TAFA5: variants seen among roughly 807,000 people sequenced by gnomAD.
TAFA5 encodes the protein chemokine-like protein TAFA-5.
A neutral mutation model predicts 15.3 loss-of-function variants in TAFA5; 6 were observed. The ratio of observed to expected loss-of-function variants is 0.39; its 90% confidence interval spans 0.21 to 0.77. TAFA5 has a LOEUF of 0.77. TAFA5 is among the 30% of genes least tolerant of loss of function. The pLI is 0.41. For synonymous variants in TAFA5, 103 were observed against 80.7 expected (o/e 1.28, Z -1.48); for missense variants, 161 against 193.1 (o/e 0.83, Z 0.98).
In TAFA5 at chr22:48,525,692, C is replaced by T. The variant is rs535552955; in HGVS notation, c.112+35988C>T. 3.3e-5 allele frequency among the ~76,000 whole-genome samples: 5 copies of T among 152,314 alleles called. No homozygotes were observed. The East Asian group carries it at 9.7e-4, about 30-fold the overall frequency. Reference sequence around the variant, plus strand: ...GGTCAGGCCGGGGCCCCAGAAGCTGCTGCTGCTGCTGGCCTGGTACCCCGC... The same window carrying T: ...GGTCAGGCCGGGGCCCCAGAAGCTGTTGCTGCTGCTGGCCTGGTACCCCGC... On this transcript the variant is annotated intron_variant, in intron 1 of 3. Coordinates refer to ENST00000402357, the MANE Select transcript of TAFA5 (RefSeq NM_001082967.3).
intron 1 of TAFA5, among the ~76,000 whole-genome samples, chr22:48,632,007 A>AT (rs1295215974): frequency 1.3e-5 from 2 of 152,194 alleles, no homozygotes; most frequent in Non-Finnish European, 2.9e-5. Context: ...AGGGCCTGCA[A>AT]TCCTGTGTTC....
chr22:48,647,515 G>C (rs1926908701), intron 2 of TAFA5, among the ~76,000 whole-genome samples: 1 of 152,140 alleles, frequency 6.6e-6, no homozygotes, highest in African/African-American at 2.4e-5. Flanking sequence ...AAGTTCAGGG[G>C]ACAGCATGAG....
At chr22:48,631,669 G>C (rs1293391091) in intron 1 of TAFA5, among the ~76,000 whole-genome samples, 1 of 152,234 alleles carries the variant, frequency 6.6e-6, no homozygotes, top group African/African-American at 2.4e-5. Flanking sequence ...GGCGCTGGGA[G>C]CAGGTAATTA....
At chr22:48,722,754 G>A (rs1159394614) in intron 3 of TAFA5, among the ~76,000 whole-genome samples, 2 of 152,172 alleles carry the variant, frequency 1.3e-5, no homozygotes, top group African/African-American at 4.8e-5. Flanking sequence ...GTGGGTGCAC[G>A]CCACAGGGGC....
intron 1 of TAFA5, among the ~76,000 whole-genome samples, chr22:48,525,187 G>A (rs1176438531): frequency 6.6e-6 from 1 of 152,170 alleles, no homozygotes; most frequent in Admixed American, 6.5e-5. Context: ...TTGCCATGTA[G>A]GGTGACCCGG....
chr22:48,527,858 C>G lies in TAFA5; in HGVS notation c.112+38154C>G, dbSNP rs141843624. Among the ~76,000 whole-genome samples, 73 of 152,282 alleles carry G rather than the reference C, an allele frequency of 4.8e-4. 3 individuals carry two copies. In the East Asian group the frequency reaches 0.013, roughly 27 times the overall value. On this transcript the variant is annotated intron_variant, in intron 1 of 3. Coordinates refer to ENST00000402357, the MANE Select transcript of TAFA5 (RefSeq NM_001082967.3). ...CCGGGTGTTTCACGGGTAGATGGAG[C>G]CCGGCGCGAGGCTTCAGGCCCGTGT...
chr22:48,749,905 C>G lies in TAFA5; in HGVS notation c.*58C>G, dbSNP rs370594899. 2 of 1,495,082 alleles carry G rather than the reference C, an allele frequency of 1.3e-6. No homozygotes were observed. Among genetic ancestry groups the G allele is most frequent in the East Asian group, 2.5e-5 (1 of 40,712 alleles). The allele number at this position is 1,495,082 out of a possible 1,614,324, so 92.6% of individuals were successfully genotyped here. A position where few individuals can be genotyped will look rare whatever the true frequency, so the allele number is the denominator to read the frequency against. ...CCTTGGCTCCCTGGAGAGCCCACGTCTCAGCCACAGTTCTCCACTCGCCTC... is the reference window on the plus strand; with the variant it reads ...CCTTGGCTCCCTGGAGAGCCCACGTGTCAGCCACAGTTCTCCACTCGCCTC... On this transcript the variant is annotated 3_prime_UTR_variant, in exon 4 of 4. Transcript: ENST00000402357.
At chr22:48,658,782 T>G (rs5771906) in intron 2 of TAFA5, among the ~76,000 whole-genome samples, 1 of 152,018 alleles carries the variant, frequency 6.6e-6, no homozygotes, top group Non-Finnish European at 1.5e-5. Context: ...CGTCGACGTG[T>G]AGAGAGAGAA....
intron 2 of TAFA5, among the ~76,000 whole-genome samples, chr22:48,676,683 G>T (rs1460339169): frequency 6.6e-6 from 1 of 152,246 alleles, no homozygotes; most frequent in African/African-American, 2.4e-5. Flanking sequence ...TCCCCAGCCA[G>T]TGTGGACTAG....
At chr22:48,698,885 A>C (rs1027446896) in intron 2 of TAFA5, among the ~76,000 whole-genome samples, 1 of 149,168 alleles carries the variant, frequency 6.7e-6, no homozygotes, top group African/African-American at 2.5e-5. Flanking sequence ...CTCCTGCTCT[A>C]CTGACCAGCC....
At chr22:48,562,168 C>T (rs180893097) in intron 1 of TAFA5, among the ~76,000 whole-genome samples, 283 of 152,190 alleles carry the variant, frequency 1.9e-3, no homozygotes, top group African/African-American at 5.9e-3. Flanking sequence ...GATGGAGTCT[C>T]GCTCTGTCGC....
intron 2 of TAFA5, among the ~76,000 whole-genome samples, chr22:48,680,428 G>A (rs76006134): frequency 0.044 from 6,632 of 152,212 alleles, 501 homozygotes; most frequent in African/African-American, 0.15. Context: ...GTGGCATTTA[G>A]TCTCCATTCA....
At chr22:48,583,788 T>A (rs145463015) in intron 1 of TAFA5, among the ~76,000 whole-genome samples, 8 of 144,926 alleles carry the variant, frequency 5.5e-5, no homozygotes, top group Non-Finnish European at 9.1e-5. Context: ...CATGCAAACA[T>A]ACCACACAGC....
At chr22:48,589,986 C>CGTGTGTGT (rs35969553) in intron 1 of TAFA5, among the ~76,000 whole-genome samples, 14,115 of 149,684 alleles carry the variant, frequency 0.094, 830 homozygotes, top group East Asian at 0.33. Context: ...TTGCAGCCGA[C>CGTGTGTGT]GTGTGTGTGT....
chr22:48,613,648 A>G (rs117373929), intron 1 of TAFA5, among the ~76,000 whole-genome samples: 3,991 of 152,284 alleles, frequency 0.026, 72 homozygotes, highest in Non-Finnish European at 0.041. Context: ...GTTCTGGGGC[A>G]GGGTTGAGGC....
intron 1 of TAFA5, among the ~76,000 whole-genome samples, chr22:48,509,023 G>A (rs1352537328): frequency 6.6e-6 from 1 of 152,160 alleles, no homozygotes; most frequent in Non-Finnish European, 1.5e-5. Context: ...TATGAGCTCA[G>A]TATTTTTTAG....
At chr22:48,708,212 A>G (rs114710928) in intron 3 of TAFA5, among the ~76,000 whole-genome samples, 142 of 152,292 alleles carry the variant, frequency 9.3e-4, no homozygotes, top group African/African-American at 3.3e-3. Context: ...CCCCTCCTGA[A>G]GATGAACTTC....
chr22:48,537,669 G>A lies in TAFA5; in HGVS notation c.112+47965G>A, dbSNP rs577163537. ...TTGTTTCAGGGGGAAGCCCAGCCCA[G>A]CAGGCACTGCAGCCAGGGTCCTGCA... On this transcript the variant is annotated intron_variant, in intron 1 of 3. Coordinates refer to ENST00000402357, the MANE Select transcript of TAFA5 (RefSeq NM_001082967.3). Among the ~76,000 whole-genome samples the A allele has an allele frequency of 1.8e-4, 28 of 152,336 alleles. 1 individual carries two copies. The South Asian group carries it at 5.8e-3, about 32-fold the overall frequency.
intron 1 of TAFA5, among the ~76,000 whole-genome samples, chr22:48,515,441 T>C (rs1312698709): frequency 6.6e-6 from 1 of 152,136 alleles, no homozygotes. Context: ...CTGGGTCACC[T>C]TCACGGCACC....
Sources: gnomAD v4.1 joint callset for allele counts (sites outside exome capture counted in the v4.1 genomes callset) on GRCh38, gnomAD v4.1.1 for gene constraint, MANE v1.5 for transcripts, NCBI Gene and HGNC (gene_info 2026-07-23, HGNC 2026-07-21) for gene names.